Variants in UROD observed in about 807,000 individuals in gnomAD.
UROD encodes uroporphyrinogen decarboxylase, also known as uroporphyrinogen III decarboxylase.
In UROD, 34 loss-of-function variants were observed where a neutral mutation model predicts 47.1. The ratio of observed to expected loss-of-function variants is 0.72; its 90% CI spans 0.55 to 0.96. The LOEUF is 0.96. Ranked by LOEUF, UROD falls within the 40% of genes least tolerant of loss-of-function variation. UROD has a pLI of 0.00. For synonymous variants in UROD, 148 were observed against 175.8 expected (o/e 0.84, Z 1.25); for missense variants, 381 against 471.8 (o/e 0.81, Z 1.78).
chr1:45,013,762 G>T lies in UROD; in HGVS notation c.445G>T (p.Val149Leu). Residue 149 changes from valine (V) to leucine (L), a missense_variant, in exon 5 of 10, where the codon GTG becomes TTG. Val to Leu is a conservative substitution (Grantham distance 32). Coordinates refer to ENST00000246337, the MANE Select transcript of UROD (RefSeq NM_000374.5). The surrounding 1 kb of genome is among the most constrained non-coding windows in gnomAD (Gnocchi z 4.2). Reference protein sequence around the residue: ...TLTRQRLAGRVPLIGFAGAPW... With the variant: ...TLTRQRLAGRLPLIGFAGAPW... ...TACCCGACAACGACTGGCTGGACGTGTGCCGCTGATTGGCTTTGCTGGTGC... is the reference window on the plus strand; with the variant it reads ...TACCCGACAACGACTGGCTGGACGTTTGCCGCTGATTGGCTTTGCTGGTGC... 1 of 1,614,190 alleles carries T rather than the reference G, an allele frequency of 6.2e-7. No individual in the cohort carries two copies. The highest frequency in any genetic ancestry group is 8.5e-7 in the Non-Finnish European group (1 of 1,180,038).
rs1417061217 is a variant in UROD, at chr1:45,014,849, A to C, written c.875+13A>C. ...CAAAGAAAGCCCGGTAAGCCATGGA[A>C]GGGTGAGGCCTTGAGGTTGAGGTGG... On this transcript the variant is annotated intron_variant, in intron 8 of 9. Transcript: ENST00000246337. 1 of 1,614,172 alleles carries C rather than the reference A, an allele frequency of 6.2e-7. No individual in the cohort carries two copies. Among genetic ancestry groups the C allele is most frequent in the South Asian group, 1.1e-5 (1 of 91,086 alleles).
rs1644816419 is a variant in UROD at position 45,013,034 on chromosome 1, C to T, written c.133+15C>T. On this transcript the variant is annotated intron_variant, in intron 2 of 9. Transcript: ENST00000246337. This position sits in a 1 kb window ranked among gnomAD's most constrained non-coding sequence, Gnocchi z 4.2. Reference sequence around the variant, plus strand: ...TTACTTACCAGGTAAGAGTCAGGGTCTGGAAATCTAGATAAAACTCCGGAG... The same window carrying T: ...TTACTTACCAGGTAAGAGTCAGGGTTTGGAAATCTAGATAAAACTCCGGAG... The T allele has an allele frequency of 6.2e-7, 1 of 1,614,148 alleles. No individual in the cohort carries two copies. The highest frequency in any genetic ancestry group is 1.3e-5 in the African/African-American group (1 of 75,030).
intron 1 of UROD, 157 bp from the exon 2 acceptor site, chr1:45,012,750 C>T (rs1162561574): frequency 3.4e-6 from 5 of 1,477,272 alleles, no homozygotes; most frequent in Non-Finnish European, 4.6e-6. Flanking sequence ...ACCTGATAGG[C>T]AGAGAGGAGG....
intron 9 of UROD, 142 bp from the exon 10 acceptor site, chr1:45,015,195 T>A (rs1644840324): frequency 2.1e-6 from 3 of 1,439,516 alleles, no homozygotes; most frequent in Non-Finnish European, 2.9e-6. Flanking sequence ...CCTGGGTCCA[T>A]ACTAGGGATC....
In UROD at chr1:45,013,741, C is replaced by T. The variant is rs780227281; in HGVS notation, c.424C>T (p.Arg142Ter). ...TGTGTTCCAAGCCATCACCCTTACC[C>T]GACAACGACTGGCTGGACGTGTGCC... The part of the protein sequence containing the change: ...GYVFQAITLT[R>*]QRLAGRVPLI... The change falls in exon 5 of 10, where the codon CGA (arginine) becomes TGA (stop). Residue 142 changes from arginine to a stop codon, truncating the protein, a stop_gained. Transcript: ENST00000246337. LOFTEE classifies it high-confidence loss of function. This position sits in a 1 kb window ranked among gnomAD's most constrained non-coding sequence, Gnocchi z 4.2. The T allele has an allele frequency of 1.7e-5, 28 of 1,614,012 alleles. No homozygotes were observed. Among genetic ancestry groups the T allele is most frequent in the Non-Finnish European group, 2.3e-5 (27 of 1,180,012 alleles).
chr1:45,013,923 A>C lies in UROD; in HGVS notation c.489A>C (p.Thr163=), dbSNP rs1478059713. Residue 163 remains threonine, a synonymous_variant, in exon 6 of 10, where the codon ACA becomes ACC. Coordinates refer to ENST00000246337, the MANE Select transcript of UROD (RefSeq NM_000374.5). The surrounding 1 kb of genome is among the most constrained non-coding windows in gnomAD (Gnocchi z 4.2). The stretch of plus-strand genomic sequence containing the variant: ...TCCTTCTCTAGTGGACCCTGATGAC[A>C]TACATGGTTGAGGGTGGTGGCTCAA... The part of the protein sequence containing the change: ...GFAGAPWTLM[T]YMVEGGGSST... 1 of 1,614,212 alleles carries C rather than the reference A, an allele frequency of 6.2e-7. No homozygotes were observed. Among genetic ancestry groups the C allele is most frequent in the East Asian group, 2.2e-5 (1 of 44,886 alleles).
Position 45,014,806 on chromosome 1 carries a change from T to G in UROD, c.845T>G (p.Leu282Arg). ...LAQAGYEVVGLDWTVAPKKAR... is the reference protein window; with the variant it reads ...LAQAGYEVVGRDWTVAPKKAR... ...CAAGCTGGCTATGAGGTGGTTGGGC[T>G]TGACTGGACAGTGGCCCCAAAGAAA... Residue 282 changes from leucine to arginine, a missense_variant, in exon 8 of 10, where the codon CTT becomes CGT. Leu to Arg is a moderately radical substitution (Grantham distance 102, BLOSUM62 -2). Coordinates refer to ENST00000246337, the MANE Select transcript of UROD (RefSeq NM_000374.5). The G allele has an allele frequency of 1.2e-6, 2 of 1,614,240 alleles. No homozygotes were observed. The highest frequency in any genetic ancestry group is 1.7e-6 in the Non-Finnish European group (2 of 1,180,044).
chr1:45,014,253 A>G (rs1644830050), intron 6 of UROD, 183 bp downstream of exon 6: 1 of 1,288,224 alleles, frequency 7.8e-7, no homozygotes, highest in South Asian at 1.2e-5. Flanking sequence ...TGCTCTAAGT[A>G]TTCAGACACC....
Position 45,012,689 on chromosome 1 carries a change from C to CT in UROD, c.21-217dup, listed in dbSNP as rs1204863525. 2.0e-5 allele frequency: 18 copies of CT among 918,502 alleles called. No homozygotes were observed. In the East Asian group the frequency reaches 4.5e-4, roughly 23 times the overall value. 56.9% of individuals were successfully genotyped at this position (918,502 alleles called of 1,614,324 possible). Reference sequence around the variant, plus strand: ...TGCTTCGAGCTTGGAAGAGTAGAGACTAAGTGGAGGGAAGAGGCCCCAGGG... The same window carrying CT: ...TGCTTCGAGCTTGGAAGAGTAGAGACTTAAGTGGAGGGAAGAGGCCCCAGGG... On this transcript the variant is annotated intron_variant, in intron 1 of 9. Coordinates refer to ENST00000246337, the MANE Select transcript of UROD (RefSeq NM_000374.5).
chr1:45,012,921 C>T lies in UROD; in HGVS notation c.35C>T (p.Pro12Leu), dbSNP rs1371613031. The part of the protein sequence containing the change: ...EANGLGPQGF[P>L]ELKNDTFLRA... ...CTGATCGCCAGACCTCAGGGTTTTC[C>T]GGAGCTGAAGAATGACACATTCCTG... Residue 12 changes from proline (P) to leucine (L), a missense_variant, in exon 2 of 10, where the codon CCG becomes CTG. By Grantham distance (98) the Pro-to-Leu change is moderately conservative (BLOSUM62 -3). Transcript: ENST00000246337. 1.2e-6 allele frequency: 2 copies of T among 1,613,720 alleles called. No homozygotes were observed. Among genetic ancestry groups the T allele is most frequent in the South Asian group, 1.1e-5 (1 of 91,076 alleles).
chr1:45,012,824 T>C (rs983991753), intron 1 of UROD, 83 bp from the exon 2 acceptor site: 2 of 1,580,472 alleles, frequency 1.3e-6, no homozygotes, highest in Non-Finnish European at 8.6e-7. Context: ...GGTCCTGGAC[T>C]GAATCGGCCT....
In UROD at chr1:45,013,341, T is replaced by C; in HGVS notation, c.263T>C (p.Leu88Pro). ...LDAAIIFSDILVVPQALGMEV... is the reference protein window; with the variant it reads ...LDAAIIFSDIPVVPQALGMEV... ...GCTGCCATCATTTTCTCCGACATCCTTGTTGTACCCCAGGTACCCACTCAA... is the reference window on the plus strand; with the variant it reads ...GCTGCCATCATTTTCTCCGACATCCCTGTTGTACCCCAGGTACCCACTCAA... Residue 88 changes from leucine (L) to proline (P), a missense_variant, in exon 4 of 10, where the codon CTT (leucine) becomes CCT (proline). Transcript: ENST00000246337. This position sits in a 1 kb window ranked among gnomAD's most constrained non-coding sequence, Gnocchi z 4.2. The C allele has an allele frequency of 6.2e-7, 1 of 1,614,190 alleles. No individual in the cohort carries two copies. The highest frequency in any genetic ancestry group is 8.5e-7 in the Non-Finnish European group (1 of 1,180,038).
chr1:45,014,110 C>T (rs751830223), intron 6 of UROD, 40 bp downstream of exon 6: 2 of 1,613,782 alleles, frequency 1.2e-6, no homozygotes, highest in Non-Finnish European at 1.7e-6. Flanking sequence ...GGGATTTGGT[C>T]TGTAAGGACC....
rs1412728348 is a variant in UROD at position 45,013,747 on chromosome 1, C to T, written c.430C>T (p.Arg144Ter). 12 of 1,614,180 alleles carry T rather than the reference C, an allele frequency of 7.4e-6. No individual in the cohort carries two copies. The highest frequency in any genetic ancestry group is 1.6e-4 in the Middle Eastern group (1 of 6,062). Reference protein sequence around the residue: ...VFQAITLTRQRLAGRVPLIGF... With the variant: ...VFQAITLTRQ ...CCAAGCCATCACCCTTACCCGACAA[C>T]GACTGGCTGGACGTGTGCCGCTGAT... The change falls in exon 5 of 10, where the codon CGA becomes TGA. Residue 144 changes from arginine to a stop codon, truncating the protein, a stop_gained. Coordinates refer to ENST00000246337, the MANE Select transcript of UROD (RefSeq NM_000374.5). LOFTEE classifies it high-confidence loss of function. This position sits in a 1 kb window ranked among gnomAD's most constrained non-coding sequence, Gnocchi z 4.2.
At position 45,013,264 on chromosome 1, in the gene UROD, C is replaced by A. The variant is rs774422835; in HGVS notation, c.214-28C>A. 1.2e-6 allele frequency: 2 copies of A among 1,614,212 alleles called. No homozygotes were observed. Among genetic ancestry groups the A allele is most frequent in the Non-Finnish European group, 1.7e-6 (2 of 1,180,036 alleles). On this transcript the variant is annotated intron_variant, in intron 3 of 9. Transcript: ENST00000246337. This position sits in a 1 kb window ranked among gnomAD's most constrained non-coding sequence, Gnocchi z 4.2. ...AAGATTTATGCCTTCAGTCTGCCAC[C>A]TAGCAACCTGTCTCCTGTTTCCTAC...
chr1:45,013,302 G>T lies in UROD; in HGVS notation c.224G>T (p.Arg75Leu). The change falls in exon 4 of 10, where the codon CGC becomes CTC. Residue 75 changes from arginine to leucine, a missense_variant. By Grantham distance (102) the Arg-to-Leu change is moderately radical (BLOSUM62 -2). Transcript: ENST00000246337. The surrounding 1 kb of genome is among the most constrained non-coding windows in gnomAD (Gnocchi z 4.2). ...TCCTGTTTCCTACAGCCACTGCGTC[G>T]CTTCCCTCTGGATGCTGCCATCATT... ...CCELTLQPLR[R>L]FPLDAAIIFS... is the part of the protein sequence containing the mutation. The T allele has an allele frequency of 6.2e-7, 1 of 1,614,118 alleles. No individual in the cohort carries two copies. The highest frequency in any genetic ancestry group is 8.5e-7 in the Non-Finnish European group (1 of 1,180,036).
chr1:45,014,180 C>T (rs1411671288), intron 6 of UROD, 110 bp downstream of exon 6: 4 of 1,542,444 alleles, frequency 2.6e-6, no homozygotes, highest in Non-Finnish European at 3.6e-6. Context: ...GATGAAAGAA[C>T]CTTGGCCTCC....
Position 45,013,019 on chromosome 1 carries a change from G to A in UROD, c.133G>A (p.Glu45Lys). 6.2e-7 allele frequency: 1 copy of A among 1,614,124 alleles called. No individual in the cohort carries two copies. ...GCGCCAGGCAGGCCGTTACTTACCAGGTAAGAGTCAGGGTCTGGAAATCTA... is the reference window on the plus strand; with the variant it reads ...GCGCCAGGCAGGCCGTTACTTACCAAGTAAGAGTCAGGGTCTGGAAATCTA... ...CMRQAGRYLP[E>K]FRETRAAQDF... is the part of the protein sequence containing the mutation. The change falls in exon 2 of 10, where the codon GAG (glutamate) becomes AAG (lysine). Residue 45 changes from glutamate (E) to lysine (K), a missense_variant and splice_region_variant. By Grantham distance (56) the Glu-to-Lys change is moderately conservative (BLOSUM62 1). Coordinates refer to ENST00000246337, the MANE Select transcript of UROD (RefSeq NM_000374.5). The surrounding 1 kb of genome is among the most constrained non-coding windows in gnomAD (Gnocchi z 4.2).
chr1:45,012,645 TC>T, intron 1 of UROD: 9 of 671,182 alleles, frequency 1.3e-5, no homozygotes, highest in East Asian at 5.6e-5. Context: ...CTTCATTCCC[TC>T]CCCCCAGTCC....
Sources: allele counts gnomAD v4.1 joint callset, GRCh38; gene constraint gnomAD v4.1.1; non-coding constraint Gnocchi (gnomAD v3.1); transcripts MANE v1.5; gene names NCBI Gene and HGNC (gene_info 2026-07-23, HGNC 2026-07-21).